ZFYVE9: variants seen among roughly 807,000 people sequenced by gnomAD.
ZFYVE9 encodes the protein zinc finger FYVE-type containing 9.
Under a neutral mutation model 126.7 loss-of-function variants are expected in ZFYVE9, and 43 were observed. The observed-to-expected ratio is 0.34, with a 90% CI of 0.27 to 0.44. The LOEUF (loss-of-function observed/expected upper bound fraction) is 0.44, where lower values mean the gene tolerates loss of function less well. Ranked by LOEUF, ZFYVE9 falls within the 20% of genes least tolerant of loss-of-function variation. The pLI is 1.00. For synonymous variants in ZFYVE9, 521 were observed against 597.4 expected, an observed-to-expected ratio of 0.87 and a Z score of 1.87; for missense variants, 1,476 against 1,697.0, an observed-to-expected ratio of 0.87 and a Z score of 2.29.
At chr1:52,162,404 A>G in intron 1 of ZFYVE9, 1 of 301,358 alleles carries the variant, frequency 3.3e-6, no homozygotes, top group Non-Finnish European at 6.7e-6. Context: ...GCCCATATAG[A>G]TGCCTGGTAT....
At chr1:52,164,375 A>G (rs1333160578) in intron 1 of ZFYVE9, among the ~76,000 whole-genome samples, 1 of 151,942 alleles carries the variant, frequency 6.6e-6, no homozygotes, top group East Asian at 1.9e-4. Flanking sequence ...CACCACGTCC[A>G]GCTAATTTTT....
intron 4 of ZFYVE9, among the ~76,000 whole-genome samples, chr1:52,241,147 G>A (rs2124634038): frequency 6.6e-6 from 1 of 152,190 alleles, no homozygotes; most frequent in South Asian, 2.1e-4. Context: ...TTACTGTCTG[G>A]ATGTATCTCA....
intron 4 of ZFYVE9, among the ~76,000 whole-genome samples, chr1:52,247,098 G>T (rs1645394109): frequency 6.6e-6 from 1 of 152,086 alleles, no homozygotes; most frequent in African/African-American, 2.4e-5. Context: ...CCCAAGTGTT[G>T]GGATTATATG....
At chr1:52,255,338 C>T (rs953618840) in intron 4 of ZFYVE9, among the ~76,000 whole-genome samples, 2 of 152,000 alleles carry the variant, frequency 1.3e-5, no homozygotes, top group African/African-American at 2.4e-5. Context: ...AATCCCAGCA[C>T]TATGGGAGGC....
chr1:52,282,600 A>G (rs1645815459), intron 10 of ZFYVE9, among the ~76,000 whole-genome samples: 1 of 152,234 alleles, frequency 6.6e-6, no homozygotes, highest in Non-Finnish European at 1.5e-5. Flanking sequence ...TATTTCATAC[A>G]TATATTAAAA....
chr1:52,241,890 A>G (rs1435003084), intron 4 of ZFYVE9, among the ~76,000 whole-genome samples: 3 of 152,196 alleles, frequency 2.0e-5, no homozygotes, highest in Non-Finnish European at 4.4e-5. Context: ...GAAATTAAGC[A>G]TACGTAGTAA....
rs774607980 is a variant in ZFYVE9, at chr1:52,346,206, G to C, written c.4263G>C (p.Leu1421=). 8.1e-6 allele frequency: 13 copies of C among 1,600,004 alleles called. No homozygotes were observed. In the South Asian group the frequency reaches 1.3e-4, roughly 16 times the overall value. Residue 1421 remains leucine, a synonymous_variant, in exon 19 of 19, where the codon CTG becomes CTC. Transcript: ENST00000287727. ...PVVMELIFYI[L]ENIV ...TCATGGAACTCATCTTTTATATTCT[G>C]GAAAACATCGTATAAACAGAGAAGA...
At chr1:52,203,490 T>A (rs1644944579) in intron 1 of ZFYVE9, among the ~76,000 whole-genome samples, 1 of 88,610 alleles carries the variant, frequency 1.1e-5, no homozygotes, top group Non-Finnish European at 2.3e-5. Context: ...TTTTTTTTTT[T>A]AAGAGATTAA....
intron 13 of ZFYVE9, among the ~76,000 whole-genome samples, chr1:52,316,483 C>CAA (rs34497476): frequency 1.0e-3 from 82 of 80,680 alleles, no homozygotes; most frequent in South Asian, 2.8e-3. Context: ...AGACTGGTCT[C>CAA]AAAAAAAAAA....
At chr1:52,194,678 T>G in intron 1 of ZFYVE9, among the ~76,000 whole-genome samples, 1 of 152,152 alleles carries the variant, frequency 6.6e-6, no homozygotes, top group Non-Finnish European at 1.5e-5. Context: ...CTTGGCAGTA[T>G]TTATTAAAAT....
Position 52,255,699 on chromosome 1 carries a change from C to CTT in ZFYVE9, c.2179-8073_2179-8072dup, listed in dbSNP as rs147729108. On this transcript the variant is annotated intron_variant, in intron 4 of 18. Coordinates refer to ENST00000287727, the MANE Select transcript of ZFYVE9 (RefSeq NM_004799.4). ...CCTGAGGTCAGGAGTTCAAGACTAG[C>CTT]TTGGGCAACGTGGCAAAACTCCATC... is the stretch of plus-strand genomic sequence containing the variant. Among the ~76,000 whole-genome samples the CTT allele has an allele frequency of 9.2e-3, 1,404 of 152,026 alleles. 65 individuals are homozygous for CTT. The East Asian group carries it at 0.12, about 13-fold the overall frequency.
chr1:52,304,689 C>T (rs1330834244), intron 13 of ZFYVE9, among the ~76,000 whole-genome samples: 3 of 151,654 alleles, frequency 2.0e-5, no homozygotes, highest in Non-Finnish European at 2.9e-5. Context: ...TTGGTATGCA[C>T]GTAGAATCAC....
chr1:52,250,149 A>G (rs1272867412), intron 4 of ZFYVE9, among the ~76,000 whole-genome samples: 1 of 152,232 alleles, frequency 6.6e-6, no homozygotes, highest in African/African-American at 2.4e-5. Flanking sequence ...TTCTGCAGAA[A>G]ACATGGTTAG....
intron 1 of ZFYVE9, among the ~76,000 whole-genome samples, chr1:52,189,050 G>T (rs924387544): frequency 1.3e-5 from 2 of 151,850 alleles, no homozygotes; most frequent in Admixed American, 1.3e-4. Context: ...TGATTCTTCT[G>T]CCTCAGCCTC....
In ZFYVE9 at chr1:52,259,913, C is replaced by T. The variant is rs370735251; in HGVS notation, c.2179-3860C>T. ...AACTATTTCATTCTTTTTATGGGAA[C>T]GGGATTCCATTTTATGGGTATACTG... On this transcript the variant is annotated intron_variant, in intron 4 of 18. Transcript: ENST00000287727. 5.1e-4 allele frequency among the ~76,000 whole-genome samples: 77 copies of T among 152,220 alleles called. 5 individuals carry two copies. The South Asian group carries it at 0.015, about 29-fold the overall frequency.
intron 8 of ZFYVE9, among the ~76,000 whole-genome samples, chr1:52,276,160 C>A (rs1645746610): frequency 1.3e-5 from 2 of 152,174 alleles, no homozygotes; most frequent in Middle Eastern, 3.4e-3. Flanking sequence ...CCCACCTCGG[C>A]CTCCCAAAGT....
Position 52,318,514 on chromosome 1 carries a change from AG to A in ZFYVE9, c.3439-14253del, listed in dbSNP as rs149393664. Among the ~76,000 whole-genome samples the A allele has an allele frequency of 7.0e-3, 1,057 of 152,074 alleles. 12 individuals carry two copies. The highest frequency in any genetic ancestry group is 0.024 in the African/African-American group (1,006 of 41,486). On this transcript the variant is annotated intron_variant, in intron 13 of 18. Coordinates refer to ENST00000287727, the MANE Select transcript of ZFYVE9 (RefSeq NM_004799.4). ...TAACAGACTGAGTGCTTCCCCTTTA[AG>A]ATTGGAAACAAGAACGGGATGTTCA...
chr1:52,221,563 C>T (rs1025387026), intron 2 of ZFYVE9, among the ~76,000 whole-genome samples: 7 of 152,102 alleles, frequency 4.6e-5, no homozygotes, highest in African/African-American at 9.7e-5. Context: ...GATGAGGTTT[C>T]CCCCAAAGGT....
chr1:52,194,858 T>C (rs1289575489), intron 1 of ZFYVE9, among the ~76,000 whole-genome samples: 1 of 152,184 alleles, frequency 6.6e-6, no homozygotes, highest in African/African-American at 2.4e-5. Context: ...TAGTATTATA[T>C]GTCTATTTAA....
Sources: gnomAD v4.1 joint callset for allele counts (sites outside exome capture counted in the v4.1 genomes callset) on GRCh38, gnomAD v4.1.1 for gene constraint, MANE v1.5 for transcripts, NCBI Gene and HGNC (gene_info 2026-07-23, HGNC 2026-07-21) for gene names.